Variants in NLRP2 observed in about 807,000 individuals in gnomAD.
NLRP2 encodes NACHT, LRR and PYD domains-containing protein 2.
A neutral mutation model predicts 97.2 loss-of-function variants in NLRP2; 107 were observed. The ratio of observed to expected loss-of-function variants is 1.10; its 90% confidence interval spans 0.94 to 1.29. The LOEUF (loss-of-function observed/expected upper bound fraction) is 1.29, where lower values mean the gene tolerates loss of function less well. Ranked by LOEUF, NLRP2 falls within the 50% of genes most tolerant of loss-of-function variation. The pLI, the probability that NLRP2 is intolerant of heterozygous loss-of-function variation, is 0.00. For synonymous variants in NLRP2, 663 were observed against 551.5 expected, an observed-to-expected ratio of 1.20 and a Z score of -2.83; for missense variants, 1,495 against 1,330.3, an observed-to-expected ratio of 1.12 and a Z score of -1.93.
chr19:54,985,677 C>CAAAAA (rs113852885), intron 7 of NLRP2, among the ~76,000 whole-genome samples: 7 of 67,936 alleles, frequency 1.0e-4, no homozygotes, highest in African/African-American at 1.3e-4. Flanking sequence ...GACTGCGTCT[C>CAAAAA]AAAAAAAAAA....
At chr19:54,972,874 T>A (rs1246265992) in intron 2 of NLRP2, among the ~76,000 whole-genome samples, 1 of 152,046 alleles carries the variant, frequency 6.6e-6, no homozygotes, top group Non-Finnish European at 1.5e-5. Context: ...ATGAGATTGT[T>A]GGGACCCCAA....
At chr19:54,997,578 C>G (rs1453586190) in intron 12 of NLRP2, 91 bp downstream of exon 12, 2 of 1,322,686 alleles carry the variant, frequency 1.5e-6, no homozygotes, top group African/African-American at 1.4e-5. Context: ...GGAGACTGAT[C>G]TGGTAGCTGG....
Position 54,994,450 on chromosome 19 carries a change from T to A in NLRP2, c.2879+11T>A, listed in dbSNP as rs376905990. 100 of 1,612,090 alleles carry A rather than the reference T, an allele frequency of 6.2e-5. No individual in the cohort carries two copies. The highest frequency in any genetic ancestry group is 8.2e-5 in the Non-Finnish European group (97 of 1,179,852). ...CTTGAGATGTCTGTGGTGAGTTAAC[T>A]TATAAGTTCAACTTCCTATACTTAC... On this transcript the variant is annotated intron_variant, in intron 11 of 12. Transcript: ENST00000448584.
At chr19:54,980,752 T>G (rs2071520492) in intron 4 of NLRP2, among the ~76,000 whole-genome samples, 1 of 152,136 alleles carries the variant, frequency 6.6e-6, no homozygotes, top group African/African-American at 2.4e-5. Flanking sequence ...ACAGGGAGTT[T>G]GTGAGCTCTG....
rs142463014 is a variant in NLRP2 at position 54,970,026 on chromosome 19, C to T, written c.11C>T (p.Ser4Leu). MVS[S>L]AQMGFNLQAL... is the part of the protein sequence containing the mutation. Reference sequence around the variant, plus strand: ...CCCACGTGGGACAAGATGGTGTCTTCGGCGCAGATGGGCTTCAACCTGCAG... The same window carrying T: ...CCCACGTGGGACAAGATGGTGTCTTTGGCGCAGATGGGCTTCAACCTGCAG... The change falls in exon 2 of 13, where the codon TCG becomes TTG. Residue 4 changes from serine (S) to leucine (L), a missense_variant. Coordinates refer to ENST00000448584, the MANE Select transcript of NLRP2 (RefSeq NM_017852.5). The T allele has an allele frequency of 9.4e-3, 15,179 of 1,613,550 alleles. 109 individuals are homozygous for T. The highest frequency in any genetic ancestry group is 0.021 in the South Asian group (1,902 of 91,054).
In NLRP2 at chr19:54,976,685, C is replaced by T. The variant is rs573404492; in HGVS notation, c.326-1067C>T. Among the ~76,000 whole-genome samples, 170 of 151,950 alleles carry T rather than the reference C, an allele frequency of 1.1e-3. 2 individuals are homozygous for T. The highest frequency in any genetic ancestry group is 3.4e-3 in the Middle Eastern group (1 of 294). On this transcript the variant is annotated intron_variant, in intron 3 of 12. Transcript: ENST00000448584. ...AGGCTCTTCTCAGATCAGCCTTTGT[C>T]CTGAATTTCACATGCCCGTGTCCAG... is the stretch of plus-strand genomic sequence containing the variant.
intron 6 of NLRP2, among the ~76,000 whole-genome samples, chr19:54,984,057 G>T (rs2071853620): frequency 6.6e-6 from 1 of 152,046 alleles, no homozygotes; most frequent in Non-Finnish European, 1.5e-5. Flanking sequence ...CAGCATGTTG[G>T]CCAGTCTGGT....
chr19:54,999,228 A>G lies in NLRP2; in HGVS notation c.3051-1532A>G, dbSNP rs79069868. Among the ~76,000 whole-genome samples the G allele has an allele frequency of 5.3e-5, 8 of 152,054 alleles. No individual in the cohort carries two copies. In the East Asian group the frequency reaches 1.5e-3, roughly 29 times the overall value. ...AATGGCGCTATCTCGGCTTACTGCA[A>G]CCTCCGCCTCCCGGGTTCAAGAGGT... is the stretch of plus-strand genomic sequence containing the variant. On this transcript the variant is annotated intron_variant, in intron 12 of 12. Coordinates refer to ENST00000448584, the MANE Select transcript of NLRP2 (RefSeq NM_017852.5).
intron 6 of NLRP2, among the ~76,000 whole-genome samples, chr19:54,984,573 C>T (rs952094221): frequency 7.7e-5 from 11 of 143,196 alleles, no homozygotes; most frequent in Non-Finnish European, 1.2e-4. Context: ...ACCTCCGCCC[C>T]ACCAGGTTCA....
chr19:54,984,329 G>GTGTGTTTTTTTTTTT lies in NLRP2; in HGVS notation c.2030+602_2030+603insGTGTTTTTTTTTTTT. On this transcript the variant is annotated intron_variant, in intron 6 of 12. Transcript: ENST00000448584. The stretch of plus-strand genomic sequence containing the variant: ...AACTTAAGTGGGGGTTTTTTTTTGT[G>GTGTGTTTTTTTTTTT]TTTTTTTTTTTTTTTTTTTTTTTGG... Among the ~76,000 whole-genome samples the GTGTGTTTTTTTTTTT allele has an allele frequency of 8.0e-4, 64 of 79,668 alleles. 4 individuals carry two copies. The highest frequency in any genetic ancestry group is 1.2e-3 in the Non-Finnish European group (48 of 39,960). The allele number at this position is 79,668 out of a possible 152,430, so 52.3% of individuals were successfully genotyped here. A position where few individuals can be genotyped will look rare whatever the true frequency, so the allele number is the denominator to read the frequency against.
intron 4 of NLRP2, among the ~76,000 whole-genome samples, chr19:54,979,245 A>C (rs1374433588): frequency 6.6e-6 from 1 of 152,118 alleles, no homozygotes; most frequent in Non-Finnish European, 1.5e-5. Context: ...TCGGTCTCCT[A>C]AAGTGCTGGG....
rs192503091 is a variant in NLRP2, at chr19:54,975,752, C to T, written c.325+1208C>T. On this transcript the variant is annotated intron_variant, in intron 3 of 12. Coordinates refer to ENST00000448584, the MANE Select transcript of NLRP2 (RefSeq NM_017852.5). ...CAGGCGTGAGCCACCGCGCCCGGCC[C>T]CTGAAGATTGTGTTTTGAGATGGGG... Among the ~76,000 whole-genome samples the T allele has an allele frequency of 3.3e-4, 50 of 150,940 alleles. No homozygotes were observed. The East Asian group carries it at 9.4e-3, about 29-fold the overall frequency.
chr19:54,989,317 C>T (rs2072305137), intron 8 of NLRP2, among the ~76,000 whole-genome samples: 1 of 151,344 alleles, frequency 6.6e-6, no homozygotes, highest in Non-Finnish European at 1.5e-5. Flanking sequence ...CTAAAAAATA[C>T]AAAAATTAGC....
intron 4 of NLRP2, among the ~76,000 whole-genome samples, chr19:54,979,552 T>C (rs2071443546): frequency 1.3e-5 from 2 of 150,874 alleles, no homozygotes; most frequent in South Asian, 4.2e-4. Flanking sequence ...GGTTTCACCA[T>C]GTTGGGCAGG....
Position 54,997,413 on chromosome 19 carries a change from T to TC in NLRP2, c.2979dup (p.Ser996ValfsTer2). On this transcript the variant is annotated frameshift_variant, in exon 12 of 13. Coordinates refer to ENST00000448584, the MANE Select transcript of NLRP2 (RefSeq NM_017852.5). LOFTEE classifies it high-confidence loss of function. ...TCGTCACTCTGGACCTGGGTCAGAA[T>TC]CCCTTGGGGTCTAGTGGAGTGAAGA... 3.7e-6 allele frequency: 6 copies of TC among 1,614,222 alleles called. No homozygotes were observed. The highest frequency in any genetic ancestry group is 5.1e-6 in the Non-Finnish European group (6 of 1,180,034).
chr19:54,997,757 C>CTTT (rs755734084), intron 12 of NLRP2, among the ~76,000 whole-genome samples: 3 of 143,540 alleles, frequency 2.1e-5, no homozygotes, highest in African/African-American at 7.7e-5. Context: ...ACCCGGCCAC[C>CTTT]TTTTTTTTTT....
At chr19:54,997,230 C>A in intron 11 of NLRP2, 87 bp from the exon 12 acceptor site, 1 of 1,347,426 alleles carries the variant, frequency 7.4e-7, no homozygotes, top group Non-Finnish European at 1.1e-6. Context: ...TCATGCAGAT[C>A]CCCAACACAC....
Position 54,997,380 on chromosome 19 carries a change from C to T in NLRP2, c.2943C>T (p.Asn981=), listed in dbSNP as rs1379396196. 6.2e-7 allele frequency: 1 copy of T among 1,614,036 alleles called. No homozygotes were observed. The highest frequency in any genetic ancestry group is 1.3e-5 in the African/African-American group (1 of 74,932). ...ACCTCTGCTCTGCCCTCAGCTGCAA[C>T]CAGAGCCTCGTCACTCTGGACCTGG... The part of the protein sequence containing the change: ...CEDLCSALSC[N]QSLVTLDLGQ... The change falls in exon 12 of 13, where the codon AAC becomes AAT. Residue 981 remains asparagine (N), a synonymous_variant. Transcript: ENST00000448584.
In NLRP2 at chr19:54,982,385, C is replaced by G; in HGVS notation, c.687C>G (p.Asp229Glu). Residue 229 changes from aspartate (D) to glutamate (E), a missense_variant, in exon 6 of 13, where the codon GAC (aspartate) becomes GAG (glutamate). Physicochemically the swap from Asp to Glu is conservative, Grantham distance 45. Transcript: ENST00000448584. ...KTTLAQKLML[D>E]WAEDNLIHKF... ...CGCTGGCCCAGAAACTAATGCTAGACTGGGCAGAGGACAACCTCATCCACA... is the reference window on the plus strand; with the variant it reads ...CGCTGGCCCAGAAACTAATGCTAGAGTGGGCAGAGGACAACCTCATCCACA... 6.2e-7 allele frequency: 1 copy of G among 1,614,136 alleles called. No homozygotes were observed. The highest frequency in any genetic ancestry group is 8.5e-7 in the Non-Finnish European group (1 of 1,180,028).
Sources: gnomAD v4.1 joint callset for allele counts (sites outside exome capture counted in the v4.1 genomes callset) on GRCh38, gnomAD v4.1.1 for gene constraint, MANE v1.5 for transcripts, NCBI Gene and HGNC (gene_info 2026-07-23, HGNC 2026-07-21) for gene names.